RORA: variants seen among roughly 807,000 people sequenced by gnomAD.
RORA encodes the protein nuclear receptor ROR-alpha.
Under a neutral mutation model 69.5 loss-of-function variants are expected in RORA, and 7 were observed. The ratio of observed to expected loss-of-function variants is 0.10; its 90% CI spans 0.06 to 0.19. RORA has a LOEUF of 0.19. Ranked by LOEUF, RORA falls within the 10% of genes least tolerant of loss-of-function variation. The pLI, the probability that RORA is intolerant of heterozygous loss-of-function variation, is 1.00. For missense variants in RORA, 457 were observed against 663.0 expected, an observed-to-expected ratio of 0.69 and a Z score of 3.41; for synonymous variants, 261 against 240.8, an observed-to-expected ratio of 1.08 and a Z score of -0.78.
intron 1 of RORA, among the ~76,000 whole-genome samples, chr15:60,884,035 C>A (rs553155672): frequency 3.9e-5 from 6 of 152,276 alleles, no homozygotes; most frequent in African/African-American, 1.4e-4. Context: ...AAATGAGATT[C>A]GTTGGTTATA....
At chr15:60,704,254 T>C (rs372472286) in intron 1 of RORA, among the ~76,000 whole-genome samples, 5 of 152,190 alleles carry the variant, frequency 3.3e-5, no homozygotes, top group East Asian at 1.9e-4. Flanking sequence ...TGCTTTTTCA[T>C]GGTTTGGTTT....
chr15:60,798,868 C>A (rs1470827164), intron 1 of RORA, among the ~76,000 whole-genome samples: 1 of 151,664 alleles, frequency 6.6e-6, no homozygotes, highest in Non-Finnish European at 1.5e-5. Flanking sequence ...CTTACAGGGA[C>A]TTTGTGAAAA....
At chr15:60,662,979 G>T (rs566413868) in intron 2 of RORA, among the ~76,000 whole-genome samples, 2 of 152,284 alleles carry the variant, frequency 1.3e-5, no homozygotes, top group South Asian at 4.1e-4. Context: ...TATGCCCTTA[G>T]GTGCAGCTGG....
intron 1 of RORA, among the ~76,000 whole-genome samples, chr15:60,760,872 AG>A (rs1262412280): frequency 6.6e-6 from 1 of 152,134 alleles, no homozygotes; most frequent in East Asian, 1.9e-4. Context: ...ACACACACAC[AG>A]ACACACATAC....
At position 61,226,117 on chromosome 15, in the gene RORA, C is replaced by G. The variant is rs1596085951; in HGVS notation, c.166+2936G>C. 6.6e-6 allele frequency among the ~76,000 whole-genome samples: 1 copy of G among 152,164 alleles called. No homozygotes were observed. Among genetic ancestry groups the G allele is most frequent in the African/African-American group, 2.4e-5 (1 of 41,426 alleles). On this transcript the variant is annotated intron_variant, in intron 1 of 10. Transcript: ENST00000335670. The surrounding 1 kb of genome is among the most constrained non-coding windows in gnomAD (Gnocchi z 4.2). ...CCAAGAGGGAGGAATTCAACAGTAG[C>G]CTCAAGTCTACCTAGGTAATGTCTC...
chr15:60,711,255 C>T (rs904950415), intron 1 of RORA, among the ~76,000 whole-genome samples: 6 of 152,182 alleles, frequency 3.9e-5, no homozygotes, highest in Admixed American at 2.0e-4. Context: ...CATGGACACT[C>T]TGCACTCCTA....
At position 60,495,228 on chromosome 15, in the gene RORA, A is replaced by G. The variant is rs1393681190; in HGVS notation, c.*2227T>C. ...AAGCTTGGTACTCTTTTCAGAGTAT[A>G]AATACTACTGATCTTTAAAGGAACT... is the stretch of plus-strand genomic sequence containing the variant. On this transcript the variant is annotated 3_prime_UTR_variant, in exon 11 of 11. Coordinates refer to ENST00000335670, the MANE Select transcript of RORA (RefSeq NM_134261.3). 2 of 152,206 alleles carry G rather than the reference A, an allele frequency of 1.3e-5. No individual in the cohort carries two copies. Among genetic ancestry groups the G allele is most frequent in the Non-Finnish European group, 2.9e-5 (2 of 68,032 alleles). The allele number at this position is 152,206 out of a possible 1,614,324, so 9.4% of individuals were successfully genotyped here.
intron 1 of RORA, among the ~76,000 whole-genome samples, chr15:60,899,295 C>T (rs1595802061): frequency 1.3e-5 from 2 of 152,290 alleles, no homozygotes; most frequent in East Asian, 1.9e-4. Flanking sequence ...CATTCAGCTA[C>T]CTGGGCATGT....
intron 1 of RORA, among the ~76,000 whole-genome samples, chr15:60,779,176 G>C (rs2072217882): frequency 6.6e-6 from 1 of 152,182 alleles, no homozygotes; most frequent in Non-Finnish European, 1.5e-5. Context: ...CAAAGTGAAG[G>C]CTCATCAGAC....
intron 1 of RORA, among the ~76,000 whole-genome samples, chr15:60,723,018 A>C (rs1345203557): frequency 6.6e-6 from 1 of 152,212 alleles, no homozygotes; most frequent in African/African-American, 2.4e-5. Flanking sequence ...AGCTTGCAAG[A>C]AACCCCAGCT....
chr15:60,801,106 C>T (rs2072574615), intron 1 of RORA, among the ~76,000 whole-genome samples: 1 of 152,220 alleles, frequency 6.6e-6, no homozygotes, highest in South Asian at 2.1e-4. Flanking sequence ...AATAGAGTGG[C>T]ACACTACTGC....
At chr15:61,093,895 T>A (rs2078749253) in intron 1 of RORA, among the ~76,000 whole-genome samples, 1 of 152,184 alleles carries the variant, frequency 6.6e-6, no homozygotes, top group Admixed American at 6.5e-5. Flanking sequence ...AAGGAAACAA[T>A]GTCTGCCATG....
chr15:61,065,871 T>A (rs954195492), intron 1 of RORA, among the ~76,000 whole-genome samples: 1 of 152,192 alleles, frequency 6.6e-6, no homozygotes, highest in Admixed American at 6.5e-5. Context: ...CATTTCATAT[T>A]CTCCAATAAC....
At chr15:60,512,518 G>A (rs1053170546) in intron 4 of RORA, among the ~76,000 whole-genome samples, 2 of 152,122 alleles carry the variant, frequency 1.3e-5, no homozygotes, top group African/African-American at 2.4e-5. Context: ...TGGAACTCCA[G>A]GGCTCAAGCA....
At chr15:61,185,121 C>A (rs2079728678) in intron 1 of RORA, among the ~76,000 whole-genome samples, 1 of 152,038 alleles carries the variant, frequency 6.6e-6, no homozygotes, top group African/African-American at 2.4e-5. Context: ...ACAAATGAAC[C>A]CAGACTGCAA....
At chr15:60,742,918 A>G (rs909445925) in intron 1 of RORA, among the ~76,000 whole-genome samples, 2 of 151,932 alleles carry the variant, frequency 1.3e-5, no homozygotes, top group African/African-American at 2.4e-5. Context: ...TTGATTTCAT[A>G]TCTTGACTAT....
At chr15:60,875,167 T>G (rs987794034) in intron 1 of RORA, among the ~76,000 whole-genome samples, 19 of 152,120 alleles carry the variant, frequency 1.2e-4, no homozygotes, top group African/African-American at 4.3e-4. Flanking sequence ...AGTTGGAAAG[T>G]TTATTCTGTT....
intron 1 of RORA, among the ~76,000 whole-genome samples, chr15:60,707,949 T>C (rs374642001): frequency 6.6e-6 from 1 of 152,332 alleles, no homozygotes; most frequent in East Asian, 1.9e-4. Flanking sequence ...CCTGTAGGAT[T>C]TGTATAGAAC....
chr15:60,753,956 A>C (rs1190715284), intron 1 of RORA, among the ~76,000 whole-genome samples: 2 of 152,236 alleles, frequency 1.3e-5, no homozygotes, highest in African/African-American at 4.8e-5. Flanking sequence ...TGAAGAGACC[A>C]ACATTAAGCA....
Sources: allele counts gnomAD v4.1 joint callset (sites outside exome capture counted in the v4.1 genomes callset), GRCh38; gene constraint gnomAD v4.1.1; non-coding constraint Gnocchi (gnomAD v3.1); transcripts MANE v1.5; gene names NCBI Gene and HGNC (gene_info 2026-07-23, HGNC 2026-07-21).